ADGRA3: variants seen among roughly 807,000 people sequenced by gnomAD.
ADGRA3 encodes the protein G-protein coupled receptor 125.
In ADGRA3, 56 loss-of-function variants were observed where a neutral mutation model predicts 119.8. The observed-to-expected ratio is 0.47, with a 90% confidence interval of 0.38 to 0.58. The LOEUF is 0.58. Among genes scored for constraint, ADGRA3 ranks in the 20% least tolerant of loss-of-function variants. The probability of loss-of-function intolerance (pLI) is 0.00; values close to 1 mark genes in which losing one functional copy is unlikely to be tolerated. For synonymous variants in ADGRA3, 607 were observed against 623.8 expected (o/e 0.97, Z 0.40); for missense variants, 1,516 against 1,649.0 (o/e 0.92, Z 1.40).
intron 14 of ADGRA3, among the ~76,000 whole-genome samples, chr4:22,403,350 G>T (rs1175878669): frequency 6.6e-6 from 1 of 152,084 alleles, no homozygotes; most frequent in African/African-American, 2.4e-5. Flanking sequence ...AATCACAGGG[G>T]AGACACATGT....
chr4:22,489,513 T>C (rs4391016), intron 1 of ADGRA3, among the ~76,000 whole-genome samples: 113,080 of 152,074 alleles, frequency 0.74, 44,241 homozygotes, highest in East Asian at 1. Flanking sequence ...AATATAAATA[T>C]GTACATGAGC....
chr4:22,444,663 T>C (rs1271365123), intron 6 of ADGRA3, among the ~76,000 whole-genome samples: 1 of 152,090 alleles, frequency 6.6e-6, no homozygotes, highest in African/African-American at 2.4e-5. Flanking sequence ...TGAGATTGTG[T>C]TACTACAGAC....
chr4:22,409,829 A>G (rs1481243762), intron 14 of ADGRA3, among the ~76,000 whole-genome samples: 6 of 152,200 alleles, frequency 3.9e-5, no homozygotes, highest in Non-Finnish European at 8.8e-5. Flanking sequence ...GTTTCCATAA[A>G]CACGAGGGTC....
intron 1 of ADGRA3, among the ~76,000 whole-genome samples, chr4:22,510,949 C>T (rs1269997795): frequency 2.0e-5 from 3 of 152,180 alleles, no homozygotes; most frequent in Admixed American, 6.5e-5. Flanking sequence ...CTGAACAATA[C>T]GAGCATTTCT....
rs149363194 is a variant in ADGRA3 at position 22,389,928 on chromosome 4, A to G, written c.2628-745T>C. 4.4e-3 allele frequency among the ~76,000 whole-genome samples: 672 copies of G among 152,252 alleles called. 11 individuals carry two copies. Among genetic ancestry groups the G allele is most frequent in the Admixed American group, 0.037 (560 of 15,280 alleles). On this transcript the variant is annotated intron_variant, in intron 17 of 18. Transcript: ENST00000334304. ...TTTTGCGTTTGCTCCTTCCTGAGAC[A>G]TGGCCCCAAATCTTGCACTGGGTGG...
intron 1 of ADGRA3, among the ~76,000 whole-genome samples, chr4:22,500,059 T>G (rs1577385921): frequency 1.3e-5 from 2 of 152,276 alleles, no homozygotes; most frequent in East Asian, 3.9e-4. Context: ...CCAAGAAGTT[T>G]TGGATTTTGG....
chr4:22,420,293 C>T (rs185778469), intron 12 of ADGRA3: 2 of 152,612 alleles, frequency 1.3e-5, no homozygotes, highest in Admixed American at 6.5e-5. Context: ...TGCTTCAATA[C>T]AGTGTAGTCA....
In ADGRA3 at chr4:22,473,693, T is replaced by C. The variant is rs185910051; in HGVS notation, c.329+79A>G. The C allele has an allele frequency of 3.0e-4, 246 of 809,166 alleles. 1 individual carries two copies. Among genetic ancestry groups the C allele is most frequent in the Non-Finnish European group, 2.9e-5 (15 of 524,498 alleles). The allele number at this position is 809,166 out of a possible 1,614,324, so 50.1% of individuals were successfully genotyped here. A position where few individuals can be genotyped will look rare whatever the true frequency, so the allele number is the denominator to read the frequency against. On this transcript the variant is annotated intron_variant, in intron 2 of 18. Coordinates refer to ENST00000334304, the MANE Select transcript of ADGRA3 (RefSeq NM_145290.4). ...TTATTTTGAATAGCTGGGAATTTAGTCACAGATTTACAATGAAGATTTACA... is the reference window on the plus strand; with the variant it reads ...TTATTTTGAATAGCTGGGAATTTAGCCACAGATTTACAATGAAGATTTACA...
At chr4:22,409,298 C>G (rs1715088309) in intron 14 of ADGRA3, among the ~76,000 whole-genome samples, 1 of 152,144 alleles carries the variant, frequency 6.6e-6, no homozygotes, top group Non-Finnish European at 1.5e-5. Context: ...TGCAAAATGA[C>G]ACTGTACAAA....
At chr4:22,487,439 C>T (rs967200685) in intron 1 of ADGRA3, among the ~76,000 whole-genome samples, 1 of 152,132 alleles carries the variant, frequency 6.6e-6, no homozygotes, top group African/African-American at 2.4e-5. Flanking sequence ...TAACGCTCAG[C>T]TGATCTGACA....
chr4:22,507,135 G>A (rs775372805), intron 1 of ADGRA3, among the ~76,000 whole-genome samples: 20 of 152,068 alleles, frequency 1.3e-4, no homozygotes, highest in Non-Finnish European at 1.6e-4. Context: ...AGCTACTCAG[G>A]AGGCTGAAGC....
At chr4:22,475,700 C>T (rs1464950532) in intron 1 of ADGRA3, among the ~76,000 whole-genome samples, 3 of 150,754 alleles carry the variant, frequency 2.0e-5, no homozygotes. Flanking sequence ...GCACTCCAGC[C>T]TGGGCAACAG....
intron 16 of ADGRA3, among the ~76,000 whole-genome samples, chr4:22,396,008 C>A (rs905770591): frequency 6.6e-6 from 1 of 152,114 alleles, no homozygotes; most frequent in Non-Finnish European, 1.5e-5. Context: ...ATTGGTGGAG[C>A]AACAAGGTAT....
At chr4:22,455,745 T>A in intron 3 of ADGRA3, 1 of 1,014,502 alleles carries the variant, frequency 9.9e-7, no homozygotes, top group South Asian at 1.4e-5. Flanking sequence ...ATCAGACACC[T>A]GCACTGGTTT....
At chr4:22,492,684 G>C (rs897791553) in intron 1 of ADGRA3, among the ~76,000 whole-genome samples, 1 of 152,122 alleles carries the variant, frequency 6.6e-6, no homozygotes, top group African/African-American at 2.4e-5. Flanking sequence ...CTTTTAAAGA[G>C]TGTGGTAAAT....
Position 22,515,806 on chromosome 4 carries a change from G to A in ADGRA3, c.-22C>T. On this transcript the variant is annotated 5_prime_UTR_variant, in exon 1 of 19. Transcript: ENST00000334304. ...CCATGCTGCGGGCCGGGGCCTGCGG[G>A]GCGAGCGGCGGCGCACTGGCCTAGC... 1 of 990,232 alleles carries A rather than the reference G, an allele frequency of 1.0e-6. No homozygotes were observed. Among genetic ancestry groups the A allele is most frequent in the Non-Finnish European group, 1.2e-6 (1 of 835,672 alleles). The allele number at this position is 990,232 out of a possible 1,614,324, so 61.3% of individuals were successfully genotyped here. A position where few individuals can be genotyped will look rare whatever the true frequency, so the allele number is the denominator to read the frequency against.
At chr4:22,402,893 A>C in intron 14 of ADGRA3, 94 bp from the exon 15 acceptor site, 1 of 1,202,218 alleles carries the variant, frequency 8.3e-7, no homozygotes, top group South Asian at 1.5e-5. Context: ...TCAATAAACA[A>C]AAACTCTGGC....
At chr4:22,507,972 T>A (rs1325467365) in intron 1 of ADGRA3, among the ~76,000 whole-genome samples, 3 of 152,220 alleles carry the variant, frequency 2.0e-5, no homozygotes, top group East Asian at 1.9e-4. Context: ...AAGGTAAACA[T>A]ACGAATTTGC....
In ADGRA3 at chr4:22,432,811, T is replaced by C. The variant is rs1446891999; in HGVS notation, c.1443+2500A>G. Among the ~76,000 whole-genome samples the C allele has an allele frequency of 2.0e-5, 3 of 152,216 alleles. No individual in the cohort carries two copies. In the South Asian group the frequency reaches 6.2e-4, roughly 31 times the overall value. On this transcript the variant is annotated intron_variant, in intron 10 of 18. Transcript: ENST00000334304. ...CCTGAGACAACAAAGTGCCAGCTTG[T>C]GTTGGCCAGGCTCAATCACAGATTA... is the stretch of plus-strand genomic sequence containing the variant.
Sources: allele counts gnomAD v4.1 joint callset (sites outside exome capture counted in the v4.1 genomes callset), GRCh38; gene constraint gnomAD v4.1.1; transcripts MANE v1.5; gene names NCBI Gene and HGNC (gene_info 2026-07-23, HGNC 2026-07-21).